The following NBEA variants were observed in gnomAD, a reference collection of about 807,000 sequenced individuals.
NBEA encodes neurobeachin, also known as lysosomal-trafficking regulator 2.
Under a neutral mutation model 343.4 loss-of-function variants are expected in NBEA, and 44 were observed. The observed-to-expected ratio is 0.13, with a 90% CI of 0.10 to 0.16. NBEA has a LOEUF of 0.16. NBEA is among the 10% of genes least tolerant of loss of function. NBEA has a pLI of 1.00. For missense variants in NBEA, 2,555 were observed against 3,631.3 expected, an observed-to-expected ratio of 0.70 and a Z score of 7.62; for synonymous variants, 1,175 against 1,238.7, an observed-to-expected ratio of 0.95 and a Z score of 1.08.
Position 35,211,078 on chromosome 13 carries a change from C to T in NBEA, c.5547C>T (p.Ser1849=). 6.4e-7 allele frequency: 1 copy of T among 1,550,848 alleles called. No individual in the cohort carries two copies. Among genetic ancestry groups the T allele is most frequent in the Non-Finnish European group, 8.7e-7 (1 of 1,146,500 alleles). ...GTGCCGTGGATTCAGGGTCCTCCTC[C>T]TCTTCCTCCTCTTCTAGTTTTGTGA... ...TTGAVDSGSS[S]SSSSSSFVNG... The change falls in exon 33 of 59, where the codon TCC becomes TCT. Residue 1849 remains serine, a synonymous_variant. Transcript: ENST00000379939.
At chr13:35,101,292 C>T (rs528360445) in intron 11 of NBEA, among the ~76,000 whole-genome samples, 1 of 151,886 alleles carries the variant, frequency 6.6e-6, no homozygotes, top group African/African-American at 2.4e-5. Flanking sequence ...CAGCATTTTA[C>T]ATCCTACCAA....
intron 31 of NBEA, among the ~76,000 whole-genome samples, chr13:35,204,932 C>T (rs536707661): frequency 4.0e-5 from 6 of 151,624 alleles, no homozygotes; most frequent in East Asian, 1.9e-4. Flanking sequence ...CAGTGTGAAA[C>T]GTTGTGTAAC....
At chr13:35,667,653 G>T in intron 57 of NBEA, 83 bp downstream of exon 57, 1 of 1,255,428 alleles carries the variant, frequency 8.0e-7, no homozygotes, top group Non-Finnish European at 1.1e-6. Context: ...ATTCATAATA[G>T]AATGTCTGTG....
intron 28 of NBEA, 140 bp downstream of exon 28, chr13:35,177,243 A>G (rs1027675600): frequency 3.8e-5 from 23 of 612,122 alleles, no homozygotes; most frequent in Non-Finnish European, 8.5e-6. Context: ...TTCTCATTAT[A>G]AAATGGTTGA....
chr13:35,522,063 C>T (rs965837372), intron 41 of NBEA, among the ~76,000 whole-genome samples: 12 of 152,104 alleles, frequency 7.9e-5, no homozygotes, highest in Non-Finnish European at 1.5e-4. Flanking sequence ...AGGCGAACCA[C>T]TTCTGAGAAC....
At chr13:35,460,437 A>G (rs1464445868) in intron 40 of NBEA, among the ~76,000 whole-genome samples, 4 of 152,214 alleles carry the variant, frequency 2.6e-5, no homozygotes, top group Non-Finnish European at 5.9e-5. Flanking sequence ...ATACATGCCT[A>G]TTTCTTATAA....
At chr13:35,566,537 G>A (rs1245611565) in intron 44 of NBEA, among the ~76,000 whole-genome samples, 2 of 152,144 alleles carry the variant, frequency 1.3e-5, no homozygotes, top group African/African-American at 2.4e-5. Context: ...AGACACACAT[G>A]CAGGAAGTTT....
At chr13:35,298,450 C>G (rs2036306868) in intron 35 of NBEA, among the ~76,000 whole-genome samples, 1 of 151,390 alleles carries the variant, frequency 6.6e-6, no homozygotes, top group African/African-American at 2.4e-5. Flanking sequence ...GCTGCATGAT[C>G]ATTTGTGAAT....
intron 40 of NBEA, among the ~76,000 whole-genome samples, chr13:35,452,715 A>G (rs2046369610): frequency 6.6e-6 from 1 of 152,196 alleles, no homozygotes. Context: ...ACTAGCAGAT[A>G]TTCTTTCCCC....
chr13:35,090,170 G>T (rs1242969726), intron 10 of NBEA, among the ~76,000 whole-genome samples: 3 of 151,726 alleles, frequency 2.0e-5, no homozygotes, highest in East Asian at 1.9e-4. Context: ...TACAGTAAAG[G>T]TTTATGTAGT....
chr13:35,236,698 C>T lies in NBEA; in HGVS notation c.5776+4079C>T, dbSNP rs1347667644. ...GTCTCAATCTCCTGACCTCATGATCCGCCCGCCTCGGCCTCCCAGAGTGCT... is the reference window on the plus strand; with the variant it reads ...GTCTCAATCTCCTGACCTCATGATCTGCCCGCCTCGGCCTCCCAGAGTGCT... On this transcript the variant is annotated intron_variant, in intron 34 of 58. Transcript: ENST00000379939. Among the ~76,000 whole-genome samples, 18 of 151,530 alleles carry T rather than the reference C, an allele frequency of 1.2e-4. No homozygotes were observed. The East Asian group carries it at 2.9e-3, about 24-fold the overall frequency.
At chr13:35,244,270 T>C (rs1037373807) in intron 34 of NBEA, among the ~76,000 whole-genome samples, 2 of 151,986 alleles carry the variant, frequency 1.3e-5, no homozygotes, top group South Asian at 2.1e-4. Flanking sequence ...ACTCACCTTA[T>C]AAAAAAATCA....
chr13:35,577,006 G>T (rs2080775323), intron 45 of NBEA, among the ~76,000 whole-genome samples: 1 of 152,058 alleles, frequency 6.6e-6, no homozygotes, highest in African/African-American at 2.4e-5. Flanking sequence ...TCCAGGGATG[G>T]GTCAGTTCAG....
chr13:35,261,394 C>T (rs2033203020), intron 34 of NBEA, among the ~76,000 whole-genome samples: 1 of 152,004 alleles, frequency 6.6e-6, no homozygotes, highest in Non-Finnish European at 1.5e-5. Flanking sequence ...TATCCGTAGT[C>T]CAGCTGCTAG....
At chr13:35,558,150 A>G (rs2079667891) in intron 44 of NBEA, among the ~76,000 whole-genome samples, 1 of 152,206 alleles carries the variant, frequency 6.6e-6, no homozygotes, top group Admixed American at 6.5e-5. Context: ...TGTACCACAT[A>G]TTCTATTTTT....
chr13:35,636,621 C>T (rs958520285), intron 49 of NBEA, among the ~76,000 whole-genome samples: 4 of 152,184 alleles, frequency 2.6e-5, no homozygotes, highest in African/African-American at 9.6e-5. Context: ...TCCCCCTCAA[C>T]TTGTTTTCCT....
At chr13:35,575,361 A>G (rs2153032647) in intron 45 of NBEA, among the ~76,000 whole-genome samples, 1 of 152,332 alleles carries the variant, frequency 6.6e-6, no homozygotes, top group African/African-American at 2.4e-5. Context: ...TTTTAGAGAA[A>G]CAAATTTTCA....
At chr13:35,396,444 G>A (rs2042748544) in intron 38 of NBEA, among the ~76,000 whole-genome samples, 1 of 151,662 alleles carries the variant, frequency 6.6e-6, no homozygotes. Context: ...TATTTTTGCA[G>A]CATATTTTTA....
At chr13:35,347,485 T>G (rs2039950115) in intron 36 of NBEA, among the ~76,000 whole-genome samples, 1 of 152,092 alleles carries the variant, frequency 6.6e-6, no homozygotes, top group South Asian at 2.1e-4. Flanking sequence ...TTCTTAAGCT[T>G]GCCCTTTAAG....
Sources: gnomAD v4.1 joint callset for allele counts (sites outside exome capture counted in the v4.1 genomes callset) on GRCh38, gnomAD v4.1.1 for gene constraint, MANE v1.5 for transcripts, NCBI Gene and HGNC (gene_info 2026-07-23, HGNC 2026-07-21) for gene names.